The following SAMD12 variants were observed in gnomAD, a reference collection of about 807,000 sequenced individuals.
The protein encoded by SAMD12 is sterile alpha motif domain containing 12, also known as sterile alpha motif domain-containing protein 12.
In SAMD12, 9 loss-of-function variants were observed where a neutral mutation model predicts 15.0. That is an observed-to-expected ratio of 0.60 (90% CI 0.36 to 1.05). The LOEUF is 1.05. SAMD12 is among the 50% of genes least tolerant of loss of function. SAMD12 has a pLI of 0.01. For synonymous variants in SAMD12, 86 were observed against 90.1 expected (o/e 0.96, Z 0.25); for missense variants, 230 against 234.2 (o/e 0.98, Z 0.12).
intron 4 of SAMD12, among the ~76,000 whole-genome samples, chr8:118,364,578 C>G (rs996663035): frequency 6.6e-6 from 1 of 152,164 alleles, no homozygotes; most frequent in Admixed American, 6.5e-5. Flanking sequence ...TAGAGCTGGA[C>G]AGCAGACCCT....
chr8:118,227,103 A>G (rs998573966), intron 4 of SAMD12, among the ~76,000 whole-genome samples: 5 of 152,172 alleles, frequency 3.3e-5, no homozygotes, highest in Non-Finnish European at 7.3e-5. Flanking sequence ...ATAGCAAGAC[A>G]TGGAATCAAC....
At chr8:118,235,642 G>A (rs1169599637) in intron 4 of SAMD12, among the ~76,000 whole-genome samples, 1 of 151,724 alleles carries the variant, frequency 6.6e-6, no homozygotes, top group Non-Finnish European at 1.5e-5. Flanking sequence ...GCTTCAATAA[G>A]ATACTTTATA....
chr8:118,257,956 G>A (rs886551936), intron 4 of SAMD12, among the ~76,000 whole-genome samples: 7 of 152,100 alleles, frequency 4.6e-5, no homozygotes, highest in African/African-American at 1.7e-4. Flanking sequence ...ACTACAGGTT[G>A]CTTTATTCTG....
At chr8:118,139,062 C>T in the SAMD12 span, among the ~76,000 whole-genome samples, 1 of 151,970 alleles carries the variant, frequency 6.6e-6, no homozygotes, top group Admixed American at 6.5e-5. Context: ...TGATACAAGA[C>T]CAAGTGGAGG....
chr8:118,199,635 A>C (rs1436830371), intron 4 of SAMD12, among the ~76,000 whole-genome samples: 1 of 152,204 alleles, frequency 6.6e-6, no homozygotes, highest in Non-Finnish European at 1.5e-5. Flanking sequence ...TGCTTCTTTA[A>C]ATAACCATGT....
the SAMD12 span, among the ~76,000 whole-genome samples, chr8:118,157,509 C>T: frequency 2.8e-4 from 43 of 152,176 alleles, no homozygotes; most frequent in Non-Finnish European, 8.8e-5. Context: ...GTCTGTACTC[C>T]ATGTGAAAAA....
chr8:118,276,728 G>A (rs1485042228), intron 4 of SAMD12, among the ~76,000 whole-genome samples: 3 of 152,016 alleles, frequency 2.0e-5, no homozygotes, highest in Admixed American at 6.6e-5. Context: ...GCTGGAGTGC[G>A]GTGGTGTGAT....
chr8:118,331,021 C>T (rs1192370326), intron 4 of SAMD12, among the ~76,000 whole-genome samples: 1 of 150,804 alleles, frequency 6.6e-6, no homozygotes, highest in East Asian at 2.0e-4. Flanking sequence ...ATATACATTC[C>T]TAGGGTCAAA....
chr8:118,582,937 A>G (rs1827334037), intron 1 of SAMD12, among the ~76,000 whole-genome samples: 1 of 151,692 alleles, frequency 6.6e-6, no homozygotes, highest in South Asian at 2.1e-4. Context: ...TCTATTATCC[A>G]TAGCACCGAC....
chr8:118,361,440 AT>A (rs918203005), intron 4 of SAMD12, among the ~76,000 whole-genome samples: 3 of 152,178 alleles, frequency 2.0e-5, no homozygotes, highest in African/African-American at 4.8e-5. Flanking sequence ...TTCCATTTTA[AT>A]TTTTTTAAGT....
the SAMD12 span, among the ~76,000 whole-genome samples, chr8:118,138,071 A>G: frequency 6.6e-6 from 1 of 152,138 alleles, no homozygotes; most frequent in African/African-American, 2.4e-5. Context: ...TGTGCTGGGA[A>G]TGGAGGAATA....
intron 2 of SAMD12, among the ~76,000 whole-genome samples, chr8:118,484,968 T>A (rs1331389353): frequency 6.6e-6 from 1 of 152,172 alleles, no homozygotes; most frequent in East Asian, 1.9e-4. Context: ...TGGTAATGGA[T>A]CTACCCAATG....
At chr8:118,258,931 C>T (rs1563719198) in intron 4 of SAMD12, among the ~76,000 whole-genome samples, 1 of 152,084 alleles carries the variant, frequency 6.6e-6, no homozygotes, top group Admixed American at 6.6e-5. Flanking sequence ...CCCTGCACAC[C>T]CAGGCCCAAA....
chr8:118,220,135 A>C (rs544083098), intron 4 of SAMD12, among the ~76,000 whole-genome samples: 14 of 152,286 alleles, frequency 9.2e-5, no homozygotes, highest in Admixed American at 9.2e-4. Flanking sequence ...GGTGGGACCA[A>C]CCTGGGAGTT....
chr8:118,148,688 T>A, the SAMD12 span, among the ~76,000 whole-genome samples: 2 of 152,224 alleles, frequency 1.3e-5, no homozygotes, highest in Middle Eastern at 3.2e-3. Context: ...GTGCAGTTAA[T>A]CCTCATTTCT....
intron 2 of SAMD12, among the ~76,000 whole-genome samples, chr8:118,515,672 A>G (rs1271964639): frequency 2.0e-5 from 3 of 152,102 alleles, no homozygotes; most frequent in African/African-American, 7.2e-5. Context: ...TACCCCAGGT[A>G]CCTTCCTCAC....
At chr8:118,269,166 A>G (rs984343056) in intron 4 of SAMD12, among the ~76,000 whole-genome samples, 3 of 147,402 alleles carry the variant, frequency 2.0e-5, no homozygotes, top group Non-Finnish European at 4.5e-5. Flanking sequence ...TGGTGGATTT[A>G]TGCCTTTCAC....
intron 1 of SAMD12, among the ~76,000 whole-genome samples, chr8:118,614,703 C>T (rs1336484800): frequency 2.6e-5 from 4 of 152,192 alleles, no homozygotes; most frequent in Admixed American, 2.0e-4. Context: ...TGCCAATAGC[C>T]CCAGCACTCT....
intron 4 of SAMD12, among the ~76,000 whole-genome samples, chr8:118,268,842 G>T (rs946989404): frequency 1.3e-5 from 2 of 152,144 alleles, no homozygotes; most frequent in Non-Finnish European, 2.9e-5. Flanking sequence ...CATAATTCTG[G>T]TATTTTATCA....
Sources: allele counts gnomAD v4.1 joint callset (sites outside exome capture counted in the v4.1 genomes callset), GRCh38; gene constraint gnomAD v4.1.1; transcripts MANE v1.5; gene names NCBI Gene and HGNC (gene_info 2026-07-23, HGNC 2026-07-21).